The following RASGEF1A variants were observed in gnomAD, a reference collection of about 807,000 sequenced individuals.
RASGEF1A encodes ras-GEF domain-containing family member 1A.
In RASGEF1A, 18 loss-of-function variants were observed where a neutral mutation model predicts 56.4. That is an observed-to-expected ratio of 0.32 (90% confidence interval 0.22 to 0.47). The LOEUF (loss-of-function observed/expected upper bound fraction) is 0.47, where lower values mean the gene tolerates loss of function less well. RASGEF1A is among the 20% of genes least tolerant of loss of function. RASGEF1A has a pLI of 1.00. For synonymous variants in RASGEF1A, 245 were observed against 242.6 expected (o/e 1.01, Z -0.09); for missense variants, 422 against 627.1 (o/e 0.67, Z 3.49).
At chr10:43,251,882 G>T (rs12244413) in intron 1 of RASGEF1A, among the ~76,000 whole-genome samples, 11,812 of 152,278 alleles carry the variant, frequency 0.078, 536 homozygotes, top group South Asian at 0.15. Flanking sequence ...CCTTGCTGTT[G>T]TCAGGTTCGG....
intron 1 of RASGEF1A, among the ~76,000 whole-genome samples, chr10:43,222,070 C>A (rs867892419): frequency 3.9e-5 from 6 of 152,242 alleles, no homozygotes; most frequent in Non-Finnish European, 7.3e-5. Flanking sequence ...GCCCACTACA[C>A]ACCCAGGCTC....
chr10:43,258,158 C>G (rs943160456), intron 1 of RASGEF1A, among the ~76,000 whole-genome samples: 1 of 152,228 alleles, frequency 6.6e-6, no homozygotes, highest in Non-Finnish European at 1.5e-5. Flanking sequence ...CTGCTGGAGC[C>G]CCCAGAACCC....
chr10:43,261,761 C>G (rs952925562), intron 1 of RASGEF1A, among the ~76,000 whole-genome samples: 1 of 152,190 alleles, frequency 6.6e-6, no homozygotes, highest in African/African-American at 2.4e-5. Context: ...AGCTCTCACC[C>G]AGAGCCTGGC....
chr10:43,213,630 A>G (rs2460542), intron 1 of RASGEF1A, among the ~76,000 whole-genome samples: 113,765 of 152,060 alleles, frequency 0.75, 42,808 homozygotes, highest in East Asian at 0.96. Flanking sequence ...AGAGTTTTTT[A>G]TTGTTTTTTG....
rs560400967 is a variant in RASGEF1A at position 43,203,552 on chromosome 10, C to A, written c.199-132G>T. 76 of 1,378,686 alleles carry A rather than the reference C, an allele frequency of 5.5e-5. No homozygotes were observed. In the South Asian group the frequency reaches 1.0e-3, roughly 19 times the overall value. 85.4% of individuals were successfully genotyped at this position (1,378,686 alleles called of 1,614,324 possible). ...GGTCCCGAGGCCATGCCTTCACCTGCCCGGTTCCCTTCGCCTTGCAGGCCC... is the reference window on the plus strand; with the variant it reads ...GGTCCCGAGGCCATGCCTTCACCTGACCGGTTCCCTTCGCCTTGCAGGCCC... On this transcript the variant is annotated intron_variant, in intron 2 of 12. Coordinates refer to ENST00000395810, the MANE Select transcript of RASGEF1A (RefSeq NM_145313.4).
rs921911175 is a variant in RASGEF1A at position 43,212,668 on chromosome 10, T to G, written c.-6-6546A>C. Among the ~76,000 whole-genome samples the G allele has an allele frequency of 3.9e-5, 6 of 152,212 alleles. 1 individual carries two copies. The South Asian group carries it at 1.0e-3, about 26-fold the overall frequency. The stretch of plus-strand genomic sequence containing the variant: ...TGCTCACACGCAGGGCGTGCTTCAG[T>G]GCAAGTGAACACTGCTCCTGGGGCT... On this transcript the variant is annotated intron_variant, in intron 1 of 12. Coordinates refer to ENST00000395810, the MANE Select transcript of RASGEF1A (RefSeq NM_145313.4).
At chr10:43,200,485 A>C (rs1291244207) in intron 5 of RASGEF1A, among the ~76,000 whole-genome samples, 182 bp downstream of exon 5, 1 of 152,170 alleles carries the variant, frequency 6.6e-6, no homozygotes, top group Non-Finnish European at 1.5e-5. Flanking sequence ...CGTGAGTGCC[A>C]GGCACAGAGG....
At chr10:43,252,886 C>A (rs137878638) in intron 1 of RASGEF1A, among the ~76,000 whole-genome samples, 2 of 152,048 alleles carry the variant, frequency 1.3e-5, no homozygotes, top group Non-Finnish European at 2.9e-5. Context: ...TGGGACTAAC[C>A]GCTCCCCTGC....
rs1209412045 is a variant in RASGEF1A at position 43,203,038 on chromosome 10, C to A, written c.321+260G>T. Among the ~76,000 whole-genome samples the A allele has an allele frequency of 3.5e-5, 5 of 143,940 alleles. No homozygotes were observed. The East Asian group carries it at 1.1e-3, about 30-fold the overall frequency. 94.4% of individuals were successfully genotyped at this position (143,940 alleles called of 152,430 possible). On this transcript the variant is annotated intron_variant, in intron 3 of 12. Transcript: ENST00000395810. ...TCCCACCCTGGACCCCACCCTGCAG[C>A]CCCAGCTAGGCCACGCCCAACCCTA...
intron 1 of RASGEF1A, among the ~76,000 whole-genome samples, chr10:43,230,716 C>T (rs754064024): frequency 3.9e-5 from 6 of 152,180 alleles, no homozygotes; most frequent in Non-Finnish European, 5.9e-5. Context: ...AACATCTGGC[C>T]GCCCCAGGAT....
intron 1 of RASGEF1A, among the ~76,000 whole-genome samples, chr10:43,222,143 C>T (rs1840217249): frequency 6.6e-6 from 1 of 152,172 alleles, no homozygotes; most frequent in Non-Finnish European, 1.5e-5. Flanking sequence ...ACTGAATATA[C>T]TGGAGGCAAC....
chr10:43,265,462 C>T (rs924462151), intron 1 of RASGEF1A, among the ~76,000 whole-genome samples: 1 of 152,220 alleles, frequency 6.6e-6, no homozygotes, highest in African/African-American at 2.4e-5. Context: ...CTCGCTGGGT[C>T]ACTACCACCC....
chr10:43,266,414 G>C (rs1325513179), intron 1 of RASGEF1A, among the ~76,000 whole-genome samples: 1 of 152,138 alleles, frequency 6.6e-6, no homozygotes, highest in Non-Finnish European at 1.5e-5. Flanking sequence ...ATGCAGAAGA[G>C]CAAATGGAAA....
chr10:43,252,521 GGTAGTCA>G (rs1840638769), intron 1 of RASGEF1A, among the ~76,000 whole-genome samples: 1 of 152,032 alleles, frequency 6.6e-6, no homozygotes, highest in African/African-American at 2.4e-5. Flanking sequence ...GGCATTAATG[GGTAGTCA>G]GTGACTCTGT....
rs144699236 is a variant in RASGEF1A at position 43,257,186 on chromosome 10, G to A, written c.-7+9659C>T. Among the ~76,000 whole-genome samples, 274 of 152,322 alleles carry A rather than the reference G, an allele frequency of 1.8e-3. 4 individuals carry two copies. Among genetic ancestry groups the A allele is most frequent in the African/African-American group, 6.0e-3 (250 of 41,570 alleles). On this transcript the variant is annotated intron_variant, in intron 1 of 12. Coordinates refer to ENST00000395810, the MANE Select transcript of RASGEF1A (RefSeq NM_145313.4). Reference sequence around the variant, plus strand: ...GCAGAATCCCTCACATGGCTCCAGAGGTCACAGCAAGAGGGAGGAGCCATG... The same window carrying A: ...GCAGAATCCCTCACATGGCTCCAGAAGTCACAGCAAGAGGGAGGAGCCATG...
chr10:43,201,661 A>T, intron 4 of RASGEF1A, 147 bp downstream of exon 4: 1 of 780,422 alleles, frequency 1.3e-6, no homozygotes, highest in Non-Finnish European at 1.9e-6. Flanking sequence ...GGGGGAAGGG[A>T]GGTTGAATGG....
chr10:43,236,941 A>G (rs1348176687), intron 1 of RASGEF1A, among the ~76,000 whole-genome samples: 1 of 151,498 alleles, frequency 6.6e-6, no homozygotes, highest in African/African-American at 2.4e-5. Flanking sequence ...GGAGGGTCTC[A>G]GGGCCAGCCT....
At chr10:43,202,486 G>A (rs776066074) in intron 3 of RASGEF1A, among the ~76,000 whole-genome samples, 1 of 152,088 alleles carries the variant, frequency 6.6e-6, no homozygotes, top group Non-Finnish European at 1.5e-5. Context: ...ATGCCCGCGC[G>A]GCCTCTGCCC....
chr10:43,241,758 T>TATC (rs1840503791), intron 1 of RASGEF1A, among the ~76,000 whole-genome samples: 1 of 152,026 alleles, frequency 6.6e-6, no homozygotes, highest in Non-Finnish European at 1.5e-5. Context: ...AGTCAGAGAT[T>TATC]ATCAGAGTTA....
Sources: gnomAD v4.1 joint callset for allele counts (sites outside exome capture counted in the v4.1 genomes callset) on GRCh38, gnomAD v4.1.1 for gene constraint, MANE v1.5 for transcripts, NCBI Gene and HGNC (gene_info 2026-07-23, HGNC 2026-07-21) for gene names.